The following TOX4 variants were observed in gnomAD, a reference collection of about 807,000 sequenced individuals.
TOX4 encodes epidermal Langerhans cell protein LCP1.
Under a neutral mutation model 61.0 loss-of-function variants are expected in TOX4, and 12 were observed. The ratio of observed to expected loss-of-function variants is 0.20; its 90% confidence interval spans 0.13 to 0.32. The LOEUF (loss-of-function observed/expected upper bound fraction) is 0.32, where lower values mean the gene tolerates loss of function less well. Ranked by LOEUF, TOX4 falls within the 10% of genes least tolerant of loss-of-function variation. TOX4 has a pLI of 1.00. For missense variants in TOX4, 499 were observed against 753.3 expected (o/e 0.66, Z 3.95); for synonymous variants, 268 against 274.8 (o/e 0.98, Z 0.24).
chr14:21,494,552 C>T (rs986562904), intron 7 of TOX4, among the ~76,000 whole-genome samples: 1 of 151,982 alleles, frequency 6.6e-6, no homozygotes, highest in African/African-American at 2.4e-5. Flanking sequence ...TCGAGACCAT[C>T]CTGGCTAACA....
At chr14:21,483,352 A>G (rs1270499856) in intron 2 of TOX4, among the ~76,000 whole-genome samples, 1 of 151,738 alleles carries the variant, frequency 6.6e-6, no homozygotes, top group Non-Finnish European at 1.5e-5. Flanking sequence ...TAGTACAGTA[A>G]ATGTTTCCCT....
chr14:21,487,858 C>A, intron 3 of TOX4, 165 bp downstream of exon 3: 1 of 690,688 alleles, frequency 1.4e-6, no homozygotes, highest in Non-Finnish European at 2.1e-6. Context: ...TGAAATTTAC[C>A]ATGTAGGTAG....
intron 2 of TOX4, among the ~76,000 whole-genome samples, chr14:21,477,905 C>A (rs796492956): frequency 6.6e-6 from 1 of 152,112 alleles, no homozygotes; most frequent in Admixed American, 6.5e-5. Flanking sequence ...GTTTCAGCAG[C>A]TGAAGAAATT....
At chr14:21,490,849 G>A (rs1282762457) in intron 5 of TOX4, among the ~76,000 whole-genome samples, 6 of 152,228 alleles carry the variant, frequency 3.9e-5, no homozygotes, top group Admixed American at 2.0e-4. Context: ...TTTTGAGATG[G>A]AATTTCGCTC....
In TOX4 at chr14:21,487,359, G is replaced by C. The variant is rs953702004; in HGVS notation, c.76-92G>C. 12 of 1,494,040 alleles carry C rather than the reference G, an allele frequency of 8.0e-6. 1 individual carries two copies. In the African/African-American group the frequency reaches 1.7e-4, roughly 21 times the overall value. 92.5% of individuals were successfully genotyped at this position (1,494,040 alleles called of 1,614,324 possible). The stretch of plus-strand genomic sequence containing the variant: ...ATCCTAAGCAGAAAAAATGCATCCT[G>C]AGAATCTCTAGTACCCCATTATGTT... On this transcript the variant is annotated intron_variant, in intron 2 of 8. Transcript: ENST00000448790.
At chr14:21,490,340 G>T (rs1891264941) in intron 5 of TOX4, among the ~76,000 whole-genome samples, 1 of 152,042 alleles carries the variant, frequency 6.6e-6, no homozygotes, top group Admixed American at 6.6e-5. Flanking sequence ...AGCCGGGTGT[G>T]GTGGCATGCC....
chr14:21,496,517 C>A (rs1198584778), intron 8 of TOX4, 29 bp from the exon 9 acceptor site: 22 of 1,590,414 alleles, frequency 1.4e-5, no homozygotes, highest in Non-Finnish European at 1.7e-5. Context: ...GTGTATAATT[C>A]TGTTTGTGTA....
At chr14:21,480,859 G>T (rs538101520) in intron 2 of TOX4, among the ~76,000 whole-genome samples, 1 of 152,322 alleles carries the variant, frequency 6.6e-6, no homozygotes, top group Non-Finnish European at 1.5e-5. Context: ...GGGAGGCTGA[G>T]GCGAGTGGAT....
Position 21,488,800 on chromosome 14 carries a change from C to G in TOX4, c.529C>G (p.Pro177Ala). ...QSPEDRLSTTPSPTSSLHEDG... is the reference protein window; with the variant it reads ...QSPEDRLSTTASPTSSLHEDG... Reference sequence around the variant, plus strand: ...ACCTGAAGATCGTCTTTCAACCACCCCTTCACCTACTAGTTCACTTCACGA... The same window carrying G: ...ACCTGAAGATCGTCTTTCAACCACCGCTTCACCTACTAGTTCACTTCACGA... Residue 177 changes from proline to alanine, a missense_variant, in exon 4 of 9, where the codon CCT becomes GCT. Transcript: ENST00000448790. 6.2e-7 allele frequency: 1 copy of G among 1,614,192 alleles called. No homozygotes were observed. Among genetic ancestry groups the G allele is most frequent in the Non-Finnish European group, 8.5e-7 (1 of 1,180,038 alleles).
chr14:21,487,721 C>T (rs777942415), intron 3 of TOX4, 28 bp downstream of exon 3: 10 of 1,591,324 alleles, frequency 6.3e-6, no homozygotes, highest in Non-Finnish European at 6.0e-6. Flanking sequence ...GTCAGGCTTA[C>T]CCCAGCTAAT....
At chr14:21,491,011 G>C (rs1342709129) in intron 5 of TOX4, among the ~76,000 whole-genome samples, 1 of 152,234 alleles carries the variant, frequency 6.6e-6, no homozygotes, top group South Asian at 2.1e-4. Context: ...TTTTAGTAGA[G>C]ACAGGGTTTC....
chr14:21,498,332 G>C lies in TOX4; in HGVS notation c.*1726G>C. The stretch of plus-strand genomic sequence containing the variant: ...AACCGTGCAACCACATCTGGGTCTA[G>C]TAGGTGGATCCCATCCAGTTGGTTT... On this transcript the variant is annotated 3_prime_UTR_variant, in exon 9 of 9. Coordinates refer to ENST00000448790, the MANE Select transcript of TOX4 (RefSeq NM_014828.4). 2 of 1,614,166 alleles carry C rather than the reference G, an allele frequency of 1.2e-6. No individual in the cohort carries two copies. The highest frequency in any genetic ancestry group is 1.7e-6 in the Non-Finnish European group (2 of 1,180,020).
chr14:21,498,239 G>C lies in TOX4; in HGVS notation c.*1633G>C. 1.4e-6 allele frequency: 2 copies of C among 1,396,986 alleles called. No homozygotes were observed. Among genetic ancestry groups the C allele is most frequent in the Non-Finnish European group, 2.0e-6 (2 of 982,132 alleles). The allele number at this position is 1,396,986 out of a possible 1,614,324, so 86.5% of individuals were successfully genotyped here. A position where few individuals can be genotyped will look rare whatever the true frequency, so the allele number is the denominator to read the frequency against. On this transcript the variant is annotated 3_prime_UTR_variant, in exon 9 of 9. Transcript: ENST00000448790. ...ACAGAGCCATGGCTATGGATTCTTAGCTCTGTAAGGAAGTGCTTCTATAAA... is the reference window on the plus strand; with the variant it reads ...ACAGAGCCATGGCTATGGATTCTTACCTCTGTAAGGAAGTGCTTCTATAAA...
At position 21,498,084 on chromosome 14, in the gene TOX4, G is replaced by A; in HGVS notation, c.*1478G>A. ...CATTTCACATATAATACTGAGAGAT[G>A]AGTTGCACAAGATTATACACTGTTA... On this transcript the variant is annotated 3_prime_UTR_variant, in exon 9 of 9. Coordinates refer to ENST00000448790, the MANE Select transcript of TOX4 (RefSeq NM_014828.4). The A allele has an allele frequency of 3.4e-6, 2 of 587,350 alleles. No individual in the cohort carries two copies. The highest frequency in any genetic ancestry group is 2.2e-5 in the South Asian group (1 of 45,862). The allele number at this position is 587,350 out of a possible 1,614,324, so 36.4% of individuals were successfully genotyped here. A position where few individuals can be genotyped will look rare whatever the true frequency, so the allele number is the denominator to read the frequency against.
At chr14:21,491,597 T>G (rs1220785791) in intron 5 of TOX4, among the ~76,000 whole-genome samples, 2 of 150,416 alleles carry the variant, frequency 1.3e-5, no homozygotes, top group Non-Finnish European at 3.0e-5. Flanking sequence ...TCTCCTGACC[T>G]CGTGATCTGG....
chr14:21,498,397 C>G lies in TOX4; in HGVS notation c.*1791C>G. Reference sequence around the variant, plus strand: ...GAAACAGTGTAAAAGGAGGGGCAAACCAGAAATCCTGGAATTAGAGGGTTT... The same window carrying G: ...GAAACAGTGTAAAAGGAGGGGCAAAGCAGAAATCCTGGAATTAGAGGGTTT... On this transcript the variant is annotated 3_prime_UTR_variant, in exon 9 of 9. Transcript: ENST00000448790. 2 of 1,610,476 alleles carry G rather than the reference C, an allele frequency of 1.2e-6. No individual in the cohort carries two copies. Among genetic ancestry groups the G allele is most frequent in the Non-Finnish European group, 1.7e-6 (2 of 1,177,828 alleles).
rs751146441 is a variant in TOX4 at position 21,498,211 on chromosome 14, C to G, written c.*1605C>G. 9.1e-7 allele frequency: 1 copy of G among 1,093,670 alleles called. No individual in the cohort carries two copies. Among genetic ancestry groups the G allele is most frequent in the South Asian group, 1.3e-5 (1 of 79,438 alleles). The allele number at this position is 1,093,670 out of a possible 1,614,324, so 67.7% of individuals were successfully genotyped here. ...TACAAATATCACTCTTCAGGTTTAGCTTACAGAGCCATGGCTATGGATTCT... is the reference window on the plus strand; with the variant it reads ...TACAAATATCACTCTTCAGGTTTAGGTTACAGAGCCATGGCTATGGATTCT... On this transcript the variant is annotated 3_prime_UTR_variant, in exon 9 of 9. Transcript: ENST00000448790.
chr14:21,480,900 G>GAGC (rs1473389433), intron 2 of TOX4, among the ~76,000 whole-genome samples: 1 of 152,120 alleles, frequency 6.6e-6, no homozygotes, highest in African/African-American at 2.4e-5. Flanking sequence ...AGACCAGCCT[G>GAGC]AGCAACATGG....
At position 21,496,873 on chromosome 14, in the gene TOX4, G is replaced by A. The variant is rs1399809903; in HGVS notation, c.*267G>A. 1 of 381,350 alleles carries A rather than the reference G, an allele frequency of 2.6e-6. No homozygotes were observed. Among genetic ancestry groups the A allele is most frequent in the African/African-American group, 2.1e-5 (1 of 48,628 alleles). 23.6% of individuals were successfully genotyped at this position (381,350 alleles called of 1,614,324 possible). A position where few individuals can be genotyped will look rare whatever the true frequency, so the allele number is the denominator to read the frequency against. On this transcript the variant is annotated 3_prime_UTR_variant, in exon 9 of 9. Transcript: ENST00000448790. ...AGGGAGTCTGGGCAAGCAAAGCATA[G>A]AGATGGTGGGGTGGTGGTGGGGTTG...
Sources: gnomAD v4.1 joint callset for allele counts (sites outside exome capture counted in the v4.1 genomes callset) on GRCh38, gnomAD v4.1.1 for gene constraint, MANE v1.5 for transcripts, NCBI Gene and HGNC (gene_info 2026-07-23, HGNC 2026-07-21) for gene names.